The following PRDM10 variants were observed in gnomAD, a reference collection of about 807,000 sequenced individuals.
The protein encoded by PRDM10 is PR/SET domain 10, also known as PR domain zinc finger protein 10.
PRDM10 carries 65 observed loss-of-function variants against 133.1 expected under a neutral mutation model. That is an observed-to-expected ratio of 0.49 (90% CI 0.40 to 0.60). PRDM10 has a LOEUF of 0.60. Ranked by LOEUF, PRDM10 falls within the 20% of genes least tolerant of loss-of-function variation. The pLI is 0.00. For missense variants in PRDM10, 1,137 were observed against 1,507.1 expected (o/e 0.75, Z 4.07); for synonymous variants, 582 against 580.4 (o/e 1.00, Z -0.04).
intron 13 of PRDM10, among the ~76,000 whole-genome samples, chr11:129,919,820 C>T (rs1950468626): frequency 6.6e-6 from 1 of 152,194 alleles, no homozygotes; most frequent in South Asian, 2.1e-4. Flanking sequence ...AGGGCCTACC[C>T]AGTATCAGGG....
At chr11:129,915,629 G>T in intron 16 of PRDM10, 31 bp downstream of exon 16, 1 of 1,537,548 alleles carries the variant, frequency 6.5e-7, no homozygotes, top group South Asian at 1.2e-5. Flanking sequence ...TGGCGGTTTT[G>T]ACCTTAGCTT....
chr11:129,931,296 G>A (rs746235032), intron 10 of PRDM10, 38 bp from the exon 11 acceptor site: 35 of 1,582,068 alleles, frequency 2.2e-5, no homozygotes, highest in Non-Finnish European at 2.8e-5. Context: ...GATCAGTGCC[G>A]GAGGGACTGT....
intron 10 of PRDM10, 117 bp downstream of exon 10, chr11:129,931,985 G>C: frequency 7.9e-7 from 1 of 1,262,986 alleles, no homozygotes; most frequent in Non-Finnish European, 1.1e-6. Flanking sequence ...CAGGCAGCAA[G>C]GTCTGATAGG....
intron 4 of PRDM10, among the ~76,000 whole-genome samples, chr11:129,953,237 C>G (rs957941587): frequency 1.3e-5 from 2 of 152,102 alleles, no homozygotes; most frequent in African/African-American, 4.8e-5. Flanking sequence ...CTTGGCTTCC[C>G]AAAGTGCTGG....
At chr11:129,936,668 T>G (rs73575395) in intron 8 of PRDM10, among the ~76,000 whole-genome samples, 1 of 151,222 alleles carries the variant, frequency 6.6e-6, no homozygotes. Context: ...AAAAAAAGAA[T>G]AGTGCTTTTC....
chr11:129,961,209 A>G (rs186205635), intron 1 of PRDM10, 127 bp from the exon 2 acceptor site: 11 of 482,138 alleles, frequency 2.3e-5, no homozygotes, highest in Non-Finnish European at 3.6e-6. Flanking sequence ...AAAAAAATGT[A>G]AAAATGAAGA....
chr11:129,934,383 G>C (rs1416443499), intron 9 of PRDM10, among the ~76,000 whole-genome samples: 1 of 152,092 alleles, frequency 6.6e-6, no homozygotes, highest in East Asian at 1.9e-4. Flanking sequence ...CCCTAGAAAA[G>C]CTGGCAACCC....
chr11:129,919,341 T>C (rs1429007597), intron 13 of PRDM10, among the ~76,000 whole-genome samples: 1 of 152,226 alleles, frequency 6.6e-6, no homozygotes. Flanking sequence ...CACTCCAGCC[T>C]GGGCAACAGA....
intron 10 of PRDM10, among the ~76,000 whole-genome samples, chr11:129,931,770 G>A (rs1364994318): frequency 6.6e-6 from 1 of 151,736 alleles, no homozygotes; most frequent in African/African-American, 2.4e-5. Context: ...GGGTTTCACC[G>A]TGTTAGCCAG....
chr11:129,972,224 T>C (rs1160709373), intron 1 of PRDM10, among the ~76,000 whole-genome samples: 1 of 151,964 alleles, frequency 6.6e-6, no homozygotes, highest in African/African-American at 2.4e-5. Context: ...CCCTGCAAGC[T>C]GAGGGAGCTG....
At chr11:129,980,907 T>C (rs1938073779) in intron 1 of PRDM10, among the ~76,000 whole-genome samples, 1 of 149,584 alleles carries the variant, frequency 6.7e-6, no homozygotes. Flanking sequence ...GTTTCACTCT[T>C]GTTGCCCAGG....
At chr11:129,931,772 G>T (rs1950875615) in intron 10 of PRDM10, among the ~76,000 whole-genome samples, 1 of 151,912 alleles carries the variant, frequency 6.6e-6, no homozygotes, top group African/African-American at 2.4e-5. Context: ...GTTTCACCGT[G>T]TTAGCCAGGA....
rs1274158695 is a variant in PRDM10, at chr11:129,958,050, G to C, written c.70-140C>G. ...TTTGTCTACACCGAGGTGGTGACTA[G>C]GGGAGGATGCAAGGACCTTGTCATT... On this transcript the variant is annotated intron_variant, in intron 2 of 20. Transcript: ENST00000360871. The C allele has an allele frequency of 5.2e-6, 5 of 957,196 alleles. No individual in the cohort carries two copies. In the East Asian group the frequency reaches 1.2e-4, roughly 24 times the overall value. The allele number at this position is 957,196 out of a possible 1,614,324, so 59.3% of individuals were successfully genotyped here. A position where few individuals can be genotyped will look rare whatever the true frequency, so the allele number is the denominator to read the frequency against.
At chr11:129,960,219 T>A (rs1951770492) in intron 2 of PRDM10, among the ~76,000 whole-genome samples, 1 of 152,246 alleles carries the variant, frequency 6.6e-6, no homozygotes, top group African/African-American at 2.4e-5. Flanking sequence ...ACATTACACG[T>A]GTATGTTTAC....
chr11:129,920,325 CCTT>C (rs771112542), intron 13 of PRDM10, among the ~76,000 whole-genome samples: 1 of 152,190 alleles, frequency 6.6e-6, no homozygotes, highest in African/African-American at 2.4e-5. Context: ...TGCCCCCACT[CCTT>C]CTGCCTAAGT....
intron 11 of PRDM10, among the ~76,000 whole-genome samples, chr11:129,930,091 A>G (rs1950804595): frequency 6.6e-6 from 1 of 152,240 alleles, no homozygotes; most frequent in Admixed American, 6.5e-5. Flanking sequence ...ACATGAAGGC[A>G]TGGACTAGAC....
intron 1 of PRDM10, among the ~76,000 whole-genome samples, chr11:129,965,746 A>AT (rs1443810251): frequency 0.011 from 1,652 of 145,794 alleles, 34 homozygotes; most frequent in African/African-American, 0.041. Context: ...ATCAAAAAAA[A>AT]AAATATATAT....
Position 129,942,561 on chromosome 11 carries a change from A to T in PRDM10, c.831T>A (p.Asp277Glu), listed in dbSNP as rs1951246286. 6.2e-7 allele frequency: 1 copy of T among 1,613,876 alleles called. No individual in the cohort carries two copies. The highest frequency in any genetic ancestry group is 8.5e-7 in the Non-Finnish European group (1 of 1,179,934). The part of the protein sequence containing the change: ...LHEDLWFELS[D>E]ETLCNWMMFV... Reference sequence around the variant, plus strand: ...ACATCATCCAGTTACAAAGCGTCTCATCAGACAACTCAAACCATAGGTCTT... The same window carrying T: ...ACATCATCCAGTTACAAAGCGTCTCTTCAGACAACTCAAACCATAGGTCTT... The change falls in exon 7 of 21, where the codon GAT becomes GAA. Residue 277 changes from aspartate to glutamate, a missense_variant. Transcript: ENST00000360871.
At chr11:129,930,957 C>T in intron 11 of PRDM10, 59 bp downstream of exon 11, 1 of 1,543,374 alleles carries the variant, frequency 6.5e-7, no homozygotes, top group Non-Finnish European at 8.7e-7. Context: ...CACCAGAGAG[C>T]TGGTGGTGGG....
Sources: allele counts gnomAD v4.1 joint callset (sites outside exome capture counted in the v4.1 genomes callset), GRCh38; gene constraint gnomAD v4.1.1; transcripts MANE v1.5; gene names NCBI Gene and HGNC (gene_info 2026-07-23, HGNC 2026-07-21).